The following TRHR variants were observed in gnomAD, a reference collection of about 807,000 sequenced individuals.
TRHR encodes thyrotropin releasing hormone receptor.
In TRHR, 14 loss-of-function variants were observed where a neutral mutation model predicts 28.0. The ratio of observed to expected loss-of-function variants is 0.50; its 90% CI spans 0.33 to 0.78. TRHR has a LOEUF of 0.78. TRHR is among the 30% of genes least tolerant of loss of function. The pLI is 0.02. For missense variants in TRHR, 438 were observed against 469.5 expected (o/e 0.93, Z 0.62); for synonymous variants, 176 against 171.9 (o/e 1.02, Z -0.18).
chr8:109,087,710 C>A lies in TRHR; in HGVS notation c.198C>A (p.Ser66Arg). The A allele has an allele frequency of 1.9e-6, 3 of 1,614,116 alleles. No individual in the cohort carries two copies. The highest frequency in any genetic ancestry group is 2.5e-6 in the Non-Finnish European group (3 of 1,180,034). Residue 66 changes from serine (S) to arginine (R), a missense_variant, in exon 2 of 3, where the codon AGC (serine) becomes AGA (arginine). Ser to Arg is a moderately radical substitution (Grantham distance 110). Transcript: ENST00000518632. ...CCCCCACAAACTGCTACCTGGTGAGCCTGGCAGTAGCTGATCTCATGGTCT... is the reference window on the plus strand; with the variant it reads ...CCCCCACAAACTGCTACCTGGTGAGACTGGCAGTAGCTGATCTCATGGTCT... ...MRTPTNCYLV[S>R]LAVADLMVLV...
chr8:109,096,029 G>A (rs1405681273), intron 2 of TRHR, among the ~76,000 whole-genome samples: 2 of 151,982 alleles, frequency 1.3e-5, no homozygotes, highest in Non-Finnish European at 2.9e-5. Context: ...CTCACTAAAG[G>A]ATCTCTCTAA....
At chr8:109,112,649 A>G (rs1414289969) in intron 2 of TRHR, among the ~76,000 whole-genome samples, 2 of 152,130 alleles carry the variant, frequency 1.3e-5, no homozygotes, top group African/African-American at 2.4e-5. Context: ...ATAGTTACCA[A>G]TGATTTCTGG....
intron 2 of TRHR, among the ~76,000 whole-genome samples, chr8:109,096,207 T>C (rs1811588579): frequency 6.6e-6 from 1 of 152,236 alleles, no homozygotes; most frequent in Non-Finnish European, 1.5e-5. Flanking sequence ...TTTGTAGTTC[T>C]CTGAACATGC....
chr8:109,107,131 G>T (rs34092076), intron 2 of TRHR, among the ~76,000 whole-genome samples: 45,483 of 151,934 alleles, frequency 0.3, 7,372 homozygotes, highest in East Asian at 0.47. Context: ...TACGATAAAA[G>T]TTAAATAATT....
chr8:109,115,033 A>G (rs910624828), intron 2 of TRHR, among the ~76,000 whole-genome samples: 8 of 152,068 alleles, frequency 5.3e-5, no homozygotes, highest in African/African-American at 1.9e-4. Flanking sequence ...CTATTTCTCA[A>G]GGACCTTTAA....
intron 2 of TRHR, among the ~76,000 whole-genome samples, chr8:109,101,559 C>A (rs978109452): frequency 6.6e-6 from 1 of 152,024 alleles, no homozygotes; most frequent in African/African-American, 2.4e-5. Flanking sequence ...CAGTACTTCT[C>A]ACAGTGCCTG....
rs1002199225 is a variant in TRHR at position 109,120,096 on chromosome 8, A to C, written c.*641A>C. ...CATCACTCAACTTTAATGTAAAATA[A>C]ACCTCAAAATATCTGAAATTATTAA... On this transcript the variant is annotated 3_prime_UTR_variant, in exon 3 of 3. Coordinates refer to ENST00000518632, the MANE Select transcript of TRHR (RefSeq NM_003301.7). 7.9e-5 allele frequency among the ~76,000 whole-genome samples: 12 copies of C among 151,812 alleles called. No individual in the cohort carries two copies. The highest frequency in any genetic ancestry group is 1.5e-4 in the Non-Finnish European group (10 of 67,848).
At chr8:109,116,248 T>C (rs1811919787) in intron 2 of TRHR, among the ~76,000 whole-genome samples, 1 of 152,132 alleles carries the variant, frequency 6.6e-6, no homozygotes, top group Non-Finnish European at 1.5e-5. Flanking sequence ...ATCAGGGATA[T>C]TGGTCTAAAA....
intron 2 of TRHR, among the ~76,000 whole-genome samples, chr8:109,095,992 C>T (rs370873179): frequency 3.8e-4 from 58 of 152,240 alleles, no homozygotes; most frequent in African/African-American, 8.9e-4. Flanking sequence ...TCCCATGGCA[C>T]TCTCCTCCAA....
chr8:109,087,821 C>T lies in TRHR; in HGVS notation c.309C>T (p.Tyr103=). Residue 103 remains tyrosine, a synonymous_variant, in exon 2 of 3, where the codon TAC becomes TAT. Coordinates refer to ENST00000518632, the MANE Select transcript of TRHR (RefSeq NM_003301.7). ...ATGTTGGATGCCTCTGCATTACTTA[C>T]CTCCAGTATTTGGGAATTAATGCAT... ...YGYVGCLCIT[Y]LQYLGINASS... The T allele has an allele frequency of 1.9e-6, 3 of 1,614,200 alleles. No individual in the cohort carries two copies. Among genetic ancestry groups the T allele is most frequent in the Non-Finnish European group, 2.5e-6 (3 of 1,180,038 alleles).
chr8:109,107,094 A>G (rs879807416), intron 2 of TRHR, among the ~76,000 whole-genome samples: 2 of 152,192 alleles, frequency 1.3e-5, no homozygotes, highest in Admixed American at 6.6e-5. Context: ...TTGTATAATA[A>G]AGAGAATGGA....
chr8:109,101,788 T>C (rs185316621), intron 2 of TRHR, among the ~76,000 whole-genome samples: 67 of 152,198 alleles, frequency 4.4e-4, no homozygotes, highest in African/African-American at 1.6e-3. Context: ...GAGATATAGC[T>C]TTGGGATTAA....
intron 2 of TRHR, among the ~76,000 whole-genome samples, chr8:109,100,718 T>C (rs1213760320): frequency 6.6e-6 from 1 of 152,102 alleles, no homozygotes; most frequent in East Asian, 1.9e-4. Flanking sequence ...GAAACAAATG[T>C]TATCATAGTA....
In TRHR at chr8:109,087,655, T is replaced by C. The variant is rs1212571021; in HGVS notation, c.143T>C (p.Leu48Pro). The change falls in exon 2 of 3, where the codon CTG becomes CCG. Residue 48 changes from leucine (L) to proline (P), a missense_variant. Leu to Pro is a moderately conservative substitution (Grantham distance 98). Coordinates refer to ENST00000518632, the MANE Select transcript of TRHR (RefSeq NM_003301.7). The part of the protein sequence containing the change: ...LGIVGNIMVV[L>P]VVMRTKHMRT... ...ATTGTAGGCAACATCATGGTAGTCCTGGTTGTCATGAGAACCAAGCACATG... is the reference window on the plus strand; with the variant it reads ...ATTGTAGGCAACATCATGGTAGTCCCGGTTGTCATGAGAACCAAGCACATG... 6.2e-7 allele frequency: 1 copy of C among 1,614,042 alleles called. No homozygotes were observed. The highest frequency in any genetic ancestry group is 8.5e-7 in the Non-Finnish European group (1 of 1,180,054).
rs1273599212 is a variant in TRHR, at chr8:109,120,950, T to C, written c.*1495T>C. Among the ~76,000 whole-genome samples, 2 of 151,636 alleles carry C rather than the reference T, an allele frequency of 1.3e-5. No homozygotes were observed. The highest frequency in any genetic ancestry group is 4.8e-5 in the African/African-American group (2 of 41,338). The stretch of plus-strand genomic sequence containing the variant: ...CCTATATCCCTATTTTATGGACTTT[T>C]CTAGAACCTAATCGCTAATGATAAT... On this transcript the variant is annotated 3_prime_UTR_variant, in exon 3 of 3. Coordinates refer to ENST00000518632, the MANE Select transcript of TRHR (RefSeq NM_003301.7).
chr8:109,104,452 C>G (rs1811721761), intron 2 of TRHR, among the ~76,000 whole-genome samples: 1 of 152,088 alleles, frequency 6.6e-6, no homozygotes, highest in South Asian at 2.1e-4. Flanking sequence ...AAATGCTATG[C>G]ACAAAAGCCT....
At chr8:109,106,487 C>T (rs905760834) in intron 2 of TRHR, among the ~76,000 whole-genome samples, 2 of 152,104 alleles carry the variant, frequency 1.3e-5, no homozygotes, top group Admixed American at 1.3e-4. Flanking sequence ...TTCTTCATAA[C>T]AATATAGCCA....
At position 109,121,186 on chromosome 8, in the gene TRHR, A is replaced by C. The variant is rs182895142; in HGVS notation, c.*1731A>C. On this transcript the variant is annotated 3_prime_UTR_variant, in exon 3 of 3. Transcript: ENST00000518632. Reference sequence around the variant, plus strand: ...AGCAAATATTTGCAGGAAATACCCTAAAACCCTACCTGCATGACAGTAAGC... The same window carrying C: ...AGCAAATATTTGCAGGAAATACCCTCAAACCCTACCTGCATGACAGTAAGC... Among the ~76,000 whole-genome samples the C allele has an allele frequency of 3.8e-4, 57 of 151,568 alleles. No homozygotes were observed. The highest frequency in any genetic ancestry group is 1.4e-3 in the African/African-American group (56 of 41,410).
Position 109,087,891 on chromosome 8 carries a change from A to G in TRHR, c.379A>G (p.Ile127Val), listed in dbSNP as rs760823717. Residue 127 changes from isoleucine to valine, a missense_variant, in exon 2 of 3, where the codon ATC becomes GTC. Ile to Val is a conservative substitution (Grantham distance 29). Transcript: ENST00000518632. Reference sequence around the variant, plus strand: ...CTTTACCATTGAGAGGTACATAGCAATCTGTCACCCCATCAAAGCCCAGTT... The same window carrying G: ...CTTTACCATTGAGAGGTACATAGCAGTCTGTCACCCCATCAAAGCCCAGTT... ...TAFTIERYIA[I>V]CHPIKAQFLC... is the part of the protein sequence containing the mutation. 5.6e-5 allele frequency: 91 copies of G among 1,614,090 alleles called. No individual in the cohort carries two copies. The Admixed American group carries it at 1.5e-3, about 27-fold the overall frequency.
Sources: gnomAD v4.1 joint callset for allele counts (sites outside exome capture counted in the v4.1 genomes callset) on GRCh38, gnomAD v4.1.1 for gene constraint, MANE v1.5 for transcripts, NCBI Gene and HGNC (gene_info 2026-07-23, HGNC 2026-07-21) for gene names.